LIAT1: variants seen among roughly 807,000 people sequenced by gnomAD.
LIAT1 encodes the protein protein LIAT1.
chr17:410,447 G>T, the LIAT1 span: 1 of 1,539,290 alleles, frequency 6.5e-7, no homozygotes. Flanking sequence ...AGCCCAGCGG[G>T]CGGCTGGACC....
At chr17:412,574 T>TAA in the LIAT1 span, among the ~76,000 whole-genome samples, 2 of 148,746 alleles carry the variant, frequency 1.3e-5, no homozygotes, top group African/African-American at 4.9e-5. Flanking sequence ...CTATTGATGT[T>TAA]AAAAAAAAAA....
the LIAT1 span, chr17:413,386 A>G: frequency 3.7e-6 from 6 of 1,614,270 alleles, no homozygotes; most frequent in Non-Finnish European, 5.1e-6. Flanking sequence ...ACCCGGAGGC[A>G]GAGAAGGAAA....
the LIAT1 span, chr17:414,338 A>G: frequency 1.8e-6 from 1 of 552,442 alleles, no homozygotes; most frequent in Non-Finnish European, 3.2e-6. The surrounding 1 kb of genome is among the most constrained non-coding windows in gnomAD (Gnocchi z 4.1). Context: ...TCTTTTCAGA[A>G]TTTCCTTTTT....
Sources: allele counts gnomAD v4.1 joint callset (sites outside exome capture counted in the v4.1 genomes callset), GRCh38; gene constraint gnomAD v4.1.1; non-coding constraint Gnocchi (gnomAD v3.1); transcripts MANE v1.5; gene names NCBI Gene and HGNC (gene_info 2026-07-23, HGNC 2026-07-21).